Variants in PTPRU observed in about 807,000 individuals in gnomAD.
The protein encoded by PTPRU is protein tyrosine phosphatase receptor type U, also known as receptor-type tyrosine-protein phosphatase U.
Under a neutral mutation model 166.3 loss-of-function variants are expected in PTPRU, and 69 were observed. The observed-to-expected ratio is 0.41, with a 90% CI of 0.34 to 0.51. The LOEUF is 0.51. PTPRU is among the 20% of genes least tolerant of loss of function. The probability of loss-of-function intolerance (pLI) is 0.09; values close to 1 mark genes in which losing one functional copy is unlikely to be tolerated. For missense variants in PTPRU, 1,657 were observed against 2,013.7 expected, an observed-to-expected ratio of 0.82 and a Z score of 3.39; for synonymous variants, 793 against 814.0, an observed-to-expected ratio of 0.97 and a Z score of 0.44.
chr1:29,243,052 C>A (rs951614936), intron 1 of PTPRU, among the ~76,000 whole-genome samples: 13 of 152,262 alleles, frequency 8.5e-5, no homozygotes, highest in Admixed American at 3.9e-4. Flanking sequence ...CGCGTGCCAC[C>A]ACGCTCGGCT....
In PTPRU at chr1:29,260,338, G is replaced by A. The variant is rs1404136293; in HGVS notation, c.851-272G>A. 6.4e-6 allele frequency: 3 copies of A among 466,954 alleles called. No individual in the cohort carries two copies. Among genetic ancestry groups the A allele is most frequent in the African/African-American group, 2.0e-5 (1 of 48,978 alleles). 28.9% of individuals were successfully genotyped at this position (466,954 alleles called of 1,614,324 possible). ...GTTGATCCTAGCTGGCCTGCGGTCC[G>A]CTCCAGGAGGCGAGGATGTGGGGGA... On this transcript the variant is annotated intron_variant, in intron 6 of 29. Transcript: ENST00000373779. The surrounding 1 kb of genome is among the most constrained non-coding windows in gnomAD (Gnocchi z 8.3).
chr1:29,302,216 G>GA (rs998435135), intron 15 of PTPRU, among the ~76,000 whole-genome samples: 4 of 144,556 alleles, frequency 2.8e-5, no homozygotes, highest in Non-Finnish European at 4.5e-5. Context: ...TTTAAAAAAC[G>GA]AAAAAAAATT....
In PTPRU at chr1:29,238,972, A is replaced by G. The variant is rs999830591; in HGVS notation, c.73+2255A>G. Among the ~76,000 whole-genome samples, 5 of 152,234 alleles carry G rather than the reference A, an allele frequency of 3.3e-5. No homozygotes were observed. Among genetic ancestry groups the G allele is most frequent in the African/African-American group, 9.6e-5 (4 of 41,464 alleles). The stretch of plus-strand genomic sequence containing the variant: ...ATGGCACTTTTGGTAGATACCAAGT[A>G]CCTTGTAAAGTAAGGCTCTGTCTGT... On this transcript the variant is annotated intron_variant, in intron 1 of 29. Transcript: ENST00000373779. The surrounding 1 kb of genome is among the most constrained non-coding windows in gnomAD (Gnocchi z 6.1).
chr1:29,282,850 C>A lies in PTPRU; in HGVS notation c.2043C>A (p.Thr681=). Residue 681 remains threonine (T), a synonymous_variant, in exon 12 of 30, where the codon ACC becomes ACA. Transcript: ENST00000373779. ...GTCTACCTGAGGCCATGCCCTTTAC[C>A]GTGGGTGACAACCAGACCTACCGAG... ...ASSLPEAMPF[T]VGDNQTYRGF... The A allele has an allele frequency of 6.2e-7, 1 of 1,614,156 alleles. No individual in the cohort carries two copies. The highest frequency in any genetic ancestry group is 8.5e-7 in the Non-Finnish European group (1 of 1,180,008).
chr1:29,261,219 A>G (rs929505299), intron 7 of PTPRU, among the ~76,000 whole-genome samples: 1 of 152,250 alleles, frequency 6.6e-6, no homozygotes, highest in Admixed American at 6.5e-5. Flanking sequence ...GACTGGCCCA[A>G]GAGCACACAG....
Position 29,284,749 on chromosome 1 carries a change from A to C in PTPRU, c.2198A>C (p.Lys733Thr), listed in dbSNP as rs1557448747. Reference sequence around the variant, plus strand: ...TCCCCAGCTGCCTGCAAGGAAAGCAAGCGGCCCCTGGAGGTGTCCCAGAGA... The same window carrying C: ...TCCCCAGCTGCCTGCAAGGAAAGCACGCGGCCCCTGGAGGTGTCCCAGAGA... ...IARKAACKES[K>T]RPLEVSQRSE... Residue 733 changes from lysine (K) to threonine (T), a missense_variant, in exon 14 of 30, where the codon AAG becomes ACG. Lys to Thr is a moderately conservative substitution (Grantham distance 78). Around this residue, in one of 3 missense-constraint regions of PTPRU, gnomAD observed 1,190 missense variants for 1,477.4 expected, o/e 0.81. Coordinates refer to ENST00000373779, the MANE Select transcript of PTPRU (RefSeq NM_133178.4). The C allele has an allele frequency of 6.2e-7, 1 of 1,614,054 alleles. No individual in the cohort carries two copies. The highest frequency in any genetic ancestry group is 1.1e-5 in the South Asian group (1 of 91,084).
chr1:29,294,446 G>C (rs754668518), intron 15 of PTPRU, among the ~76,000 whole-genome samples: 8 of 152,056 alleles, frequency 5.3e-5, no homozygotes, highest in African/African-American at 1.9e-4. Flanking sequence ...TGGTTTTTAG[G>C]AGTTCTTTAT....
chr1:29,249,676 A>T (rs1684464027), intron 1 of PTPRU, among the ~76,000 whole-genome samples: 1 of 152,088 alleles, frequency 6.6e-6, no homozygotes, highest in Non-Finnish European at 1.5e-5. Context: ...TACATCCTGG[A>T]AGGGGACTTG....
chr1:29,292,831 T>C (rs1686703280), intron 15 of PTPRU, among the ~76,000 whole-genome samples: 1 of 151,354 alleles, frequency 6.6e-6, no homozygotes, highest in African/African-American at 2.4e-5. Context: ...TTTTTTTTTT[T>C]GTGAGATGGA....
intron 8 of PTPRU, among the ~76,000 whole-genome samples, chr1:29,278,147 G>A (rs1277103978): frequency 6.6e-6 from 1 of 151,926 alleles, no homozygotes; most frequent in South Asian, 2.1e-4. Flanking sequence ...AGCTACACTC[G>A]AATGCTATCA....
chr1:29,267,022 T>C (rs1271225082), intron 7 of PTPRU, among the ~76,000 whole-genome samples: 2 of 152,110 alleles, frequency 1.3e-5, no homozygotes, highest in African/African-American at 4.8e-5. Context: ...GCAAGGAGTT[T>C]GAGACCAGCC....
intron 7 of PTPRU, among the ~76,000 whole-genome samples, chr1:29,265,127 A>G (rs974244430): frequency 6.6e-6 from 1 of 152,216 alleles, no homozygotes; most frequent in African/African-American, 2.4e-5. Flanking sequence ...GCTCAAGAGT[A>G]CAATCAATGA....
At chr1:29,252,128 AAG>A (rs1280634474) in intron 1 of PTPRU, among the ~76,000 whole-genome samples, 1 of 152,160 alleles carries the variant, frequency 6.6e-6, no homozygotes, top group South Asian at 2.1e-4. Flanking sequence ...CAGCTCTGGA[AAG>A]AGTCTTCTGT....
Position 29,291,797 on chromosome 1 carries a change from C to T in PTPRU, c.2319-72C>T. 6.5e-7 allele frequency: 1 copy of T among 1,528,612 alleles called. No individual in the cohort carries two copies. The allele number at this position is 1,528,612 out of a possible 1,614,324, so 94.7% of individuals were successfully genotyped here. A position where few individuals can be genotyped will look rare whatever the true frequency, so the allele number is the denominator to read the frequency against. The stretch of plus-strand genomic sequence containing the variant: ...GCCTTGAGGTCCCCTTACTCCAGGG[C>T]CTCCCCAGCCACCTCTGGGTGCTGT... On this transcript the variant is annotated intron_variant, in intron 14 of 29. Coordinates refer to ENST00000373779, the MANE Select transcript of PTPRU (RefSeq NM_133178.4). The surrounding 1 kb of genome is among the most constrained non-coding windows in gnomAD (Gnocchi z 4.1).
chr1:29,283,370 C>T (rs996413949), intron 12 of PTPRU, among the ~76,000 whole-genome samples: 2 of 151,680 alleles, frequency 1.3e-5, no homozygotes, highest in African/African-American at 2.4e-5. Context: ...CCTCCTGACC[C>T]CAGGCTCCTT....
chr1:29,248,838 C>T (rs892219816), intron 1 of PTPRU, among the ~76,000 whole-genome samples: 1 of 152,170 alleles, frequency 6.6e-6, no homozygotes, highest in Non-Finnish European at 1.5e-5. Flanking sequence ...CACGTCTATA[C>T]ACCCACGGCT....
At chr1:29,274,670 T>G (rs946962251) in intron 7 of PTPRU, among the ~76,000 whole-genome samples, 9 of 152,214 alleles carry the variant, frequency 5.9e-5, no homozygotes, top group South Asian at 2.1e-4. Flanking sequence ...AATTAATACC[T>G]TAAGAAAAAT....
intron 25 of PTPRU, among the ~76,000 whole-genome samples, chr1:29,318,976 C>T (rs1688024913): frequency 1.3e-5 from 2 of 152,198 alleles, no homozygotes; most frequent in African/African-American, 4.8e-5. Context: ...CCAGGAACTC[C>T]TTGGCAGGAC....
At chr1:29,269,014 T>C (rs1343046836) in intron 7 of PTPRU, among the ~76,000 whole-genome samples, 1 of 152,070 alleles carries the variant, frequency 6.6e-6, no homozygotes, top group Non-Finnish European at 1.5e-5. Flanking sequence ...TCTTGATTTC[T>C]CATCCAGTGT....
Sources: gnomAD v4.1 joint callset for allele counts (sites outside exome capture counted in the v4.1 genomes callset) on GRCh38, gnomAD v4.1.1 for gene constraint, gnomAD v4.1.1 regional missense constraint, Gnocchi (gnomAD v3.1) non-coding constraint, MANE v1.5 for transcripts, NCBI Gene and HGNC (gene_info 2026-07-23, HGNC 2026-07-21) for gene names.